Variants in LRRC69 observed in about 807,000 individuals in gnomAD.
The protein encoded by LRRC69 is leucine rich repeat containing 69.
A neutral mutation model predicts 37.8 loss-of-function variants in LRRC69; 42 were observed. The observed-to-expected ratio is 1.11, with a 90% CI of 0.87 to 1.44. The LOEUF (loss-of-function observed/expected upper bound fraction) is 1.44. LRRC69 is among the 40% of genes most tolerant of loss of function. LRRC69 has a pLI of 0.00. For missense variants in LRRC69, 357 were observed against 401.9 expected (o/e 0.89, Z 0.96); for synonymous variants, 141 against 143.1 (o/e 0.99, Z 0.11).
intron 2 of LRRC69, among the ~76,000 whole-genome samples, chr8:91,126,682 T>C (rs1813721018): frequency 6.6e-6 from 1 of 151,688 alleles, no homozygotes; most frequent in Admixed American, 6.6e-5. Context: ...CATAGAAAAA[T>C]AGAGCAAACA....
intron 5 of LRRC69, among the ~76,000 whole-genome samples, chr8:91,143,639 G>A (rs1316595371): frequency 6.6e-6 from 1 of 151,996 alleles, no homozygotes; most frequent in Non-Finnish European, 1.5e-5. Flanking sequence ...GAAAAAGTAT[G>A]CTTGGACTAT....
chr8:91,143,284 G>A (rs1449356332), intron 5 of LRRC69, among the ~76,000 whole-genome samples: 1 of 151,988 alleles, frequency 6.6e-6, no homozygotes, highest in Non-Finnish European at 1.5e-5. Flanking sequence ...CTTTGCCTTG[G>A]GTGGTTATAG....
intron 5 of LRRC69, among the ~76,000 whole-genome samples, chr8:91,152,519 T>G (rs904485589): frequency 2.0e-5 from 3 of 151,706 alleles, no homozygotes; most frequent in African/African-American, 7.2e-5. Context: ...CATGCTGTTT[T>G]GGTTACTGTA....
chr8:91,166,145 GATA>G (rs1809023909), intron 5 of LRRC69, among the ~76,000 whole-genome samples: 1 of 151,696 alleles, frequency 6.6e-6, no homozygotes, highest in Non-Finnish European at 1.5e-5. Context: ...TAAAAAATGG[GATA>G]ATAATACAAA....
In LRRC69 at chr8:91,135,699, T is replaced by G. The variant is rs909123953; in HGVS notation, c.611T>G (p.Leu204Arg). The G allele has an allele frequency of 3.6e-5, 52 of 1,462,368 alleles. No homozygotes were observed. The East Asian group carries it at 3.7e-4, about 10-fold the overall frequency. 90.6% of individuals were successfully genotyped at this position (1,462,368 alleles called of 1,614,324 possible). A position where few individuals can be genotyped will look rare whatever the true frequency, so the allele number is the denominator to read the frequency against. ...TGTGATCTTAAAAAACTAAGAATCC[T>G]AGACATAGCTGGAAATATTATTCAG... is the stretch of plus-strand genomic sequence containing the variant. The change falls in exon 5 of 8, where the codon CTA (leucine) becomes CGA (arginine). Residue 204 changes from leucine (L) to arginine (R), a missense_variant. Leu to Arg is a moderately radical substitution (Grantham distance 102). Transcript: ENST00000448384.
chr8:91,127,695 C>T (rs1813744772), intron 3 of LRRC69, among the ~76,000 whole-genome samples: 1 of 150,012 alleles, frequency 6.7e-6, no homozygotes, highest in African/African-American at 2.5e-5. Flanking sequence ...AGCTGAGAGC[C>T]TTGTCCTTCT....
chr8:91,124,571 C>T (rs1289569970), exon 2 of LRRC69: 9 of 1,540,044 alleles, frequency 5.8e-6, no homozygotes, highest in Non-Finnish European at 7.9e-6. Flanking sequence ...TCTGAAGAAT[C>T]TCCATTTATC....
chr8:91,117,817 T>G (rs998722478), intron 1 of LRRC69, among the ~76,000 whole-genome samples: 6 of 151,852 alleles, frequency 4.0e-5, no homozygotes, highest in Admixed American at 3.9e-4. Flanking sequence ...CTAACATATG[T>G]GCTATGAGAG....
At chr8:91,144,028 T>C (rs1160006045) in intron 5 of LRRC69, among the ~76,000 whole-genome samples, 1 of 152,026 alleles carries the variant, frequency 6.6e-6, no homozygotes, top group Non-Finnish European at 1.5e-5. Flanking sequence ...ACATAACATT[T>C]GGTGGTCAGT....
chr8:91,198,296 A>T lies in LRRC69; in HGVS notation c.754-2317A>T, dbSNP rs1809653636. Among the ~76,000 whole-genome samples, 5 of 152,296 alleles carry T rather than the reference A, an allele frequency of 3.3e-5. No individual in the cohort carries two copies. In the South Asian group the frequency reaches 1.0e-3, roughly 32 times the overall value. On this transcript the variant is annotated intron_variant, in intron 6 of 7. Coordinates refer to ENST00000448384, the Ensembl canonical transcript of LRRC69. Reference sequence around the variant, plus strand: ...AGTATTGGAAAAAAATCCCAACTTTACAGATGAGGTGTTCAAGACCAGGGA... The same window carrying T: ...AGTATTGGAAAAAAATCCCAACTTTTCAGATGAGGTGTTCAAGACCAGGGA...
chr8:91,102,701 A>G lies in LRRC69; in HGVS notation c.40A>G (p.Lys14Glu), dbSNP rs1005707606. The change falls in exon 1 of 8, where the codon AAA (lysine) becomes GAA (glutamate). Residue 14 changes from lysine (K) to glutamate (E), a missense_variant. By Grantham distance (56) the Lys-to-Glu change is moderately conservative. Transcript: ENST00000448384. ...GTTAATAAAAGCATTGAGTGGTGGT[A>G]AAAATACGAAGATCATTACTTTGAA... The G allele has an allele frequency of 2.4e-5, 37 of 1,551,346 alleles. No homozygotes were observed. The highest frequency in any genetic ancestry group is 2.4e-4 in the Admixed American group (12 of 50,954).
At chr8:91,176,134 A>ATATATATATATATATTTTTTTTTTT in intron 5 of LRRC69, among the ~76,000 whole-genome samples, 1 of 75,710 alleles carries the variant, frequency 1.3e-5, no homozygotes, top group African/African-American at 6.1e-5. Flanking sequence ...ATATATATAT[A>ATATATATATATATATTTTTTTTTTT]TTTTTTTTTT....
intron 3 of LRRC69, chr8:91,130,825 A>G (rs558587646): frequency 6.6e-6 from 1 of 152,142 alleles, no homozygotes; most frequent in East Asian, 1.9e-4. Flanking sequence ...GTGCTGGCAG[A>G]TGTGATGTCT....
At chr8:91,152,427 C>G (rs553871888) in intron 5 of LRRC69, among the ~76,000 whole-genome samples, 4 of 151,558 alleles carry the variant, frequency 2.6e-5, no homozygotes, top group Non-Finnish European at 5.9e-5. Context: ...TGTTGAAGAT[C>G]AGATGGTTGT....
Position 91,157,283 on chromosome 8 carries a change from G to A in LRRC69, c.651+21544G>A, listed in dbSNP as rs1808852815. 3.7e-6 allele frequency: 6 copies of A among 1,600,410 alleles called. No homozygotes were observed. The African/African-American group carries it at 5.4e-5, about 14-fold the overall frequency. On this transcript the variant is annotated intron_variant, in intron 5 of 7. Transcript: ENST00000448384. ...CTCTCTAATGTGACCTTTCTCACAG[G>A]TGTGCCTCCTTCAGCTTCCCATGTG...
At chr8:91,193,403 A>T (rs1204554394) in intron 6 of LRRC69, among the ~76,000 whole-genome samples, 2 of 142,038 alleles carry the variant, frequency 1.4e-5, no homozygotes, top group African/African-American at 2.6e-5. Flanking sequence ...TGGTAGCTTG[A>T]TGGGGATGGC....
chr8:91,149,966 A>T (rs1808699307), intron 5 of LRRC69, among the ~76,000 whole-genome samples: 1 of 152,036 alleles, frequency 6.6e-6, no homozygotes, highest in Non-Finnish European at 1.5e-5. Flanking sequence ...GTTGCCTATC[A>T]GCTTAAGGAG....
chr8:91,192,078 G>A (rs1363399454), intron 6 of LRRC69, among the ~76,000 whole-genome samples: 1 of 143,504 alleles, frequency 7.0e-6, no homozygotes, highest in Non-Finnish European at 1.5e-5. Context: ...TCCCACCTAT[G>A]AGTGAGAATA....
At chr8:91,123,433 A>G (rs1435522416) in intron 1 of LRRC69, among the ~76,000 whole-genome samples, 2 of 152,094 alleles carry the variant, frequency 1.3e-5, no homozygotes, top group African/African-American at 2.4e-5. Context: ...ATATGCAAGT[A>G]AAACCTTTAC....
Sources: gnomAD v4.1 joint callset for allele counts (sites outside exome capture counted in the v4.1 genomes callset) on GRCh38, gnomAD v4.1.1 for gene constraint, MANE v1.5 for transcripts, NCBI Gene and HGNC (gene_info 2026-07-23, HGNC 2026-07-21) for gene names.